The following SIPA1L1 variants were observed in gnomAD, a reference collection of about 807,000 sequenced individuals.
The protein encoded by SIPA1L1 is signal induced proliferation associated 1 like 1.
In SIPA1L1, 26 loss-of-function variants were observed where a neutral mutation model predicts 162.7. The ratio of observed to expected loss-of-function variants is 0.16; its 90% confidence interval spans 0.12 to 0.22. The LOEUF (loss-of-function observed/expected upper bound fraction) is 0.22. Ranked by LOEUF, SIPA1L1 falls within the 10% of genes least tolerant of loss-of-function variation. SIPA1L1 has a pLI of 1.00. For missense variants in SIPA1L1, 1,874 were observed against 2,241.0 expected (o/e 0.84, Z 3.31); for synonymous variants, 829 against 837.4 (o/e 0.99, Z 0.17).
chr14:71,473,617 C>T (rs2047634793), intron 2 of SIPA1L1, among the ~76,000 whole-genome samples: 1 of 152,170 alleles, frequency 6.6e-6, no homozygotes, highest in Non-Finnish European at 1.5e-5. Flanking sequence ...TGGAACTACT[C>T]ATGGATAGAA....
chr14:71,547,103 C>G (rs1396672453), intron 4 of SIPA1L1, among the ~76,000 whole-genome samples: 39 of 151,636 alleles, frequency 2.6e-4, no homozygotes, highest in Non-Finnish European at 4.4e-5. Flanking sequence ...CCTAATAGCT[C>G]TTTAGCTCTT....
chr14:71,554,923 G>C (rs541407220), intron 4 of SIPA1L1, among the ~76,000 whole-genome samples: 32 of 151,754 alleles, frequency 2.1e-4, no homozygotes, highest in Non-Finnish European at 4.3e-4. Flanking sequence ...CATTTTAAAG[G>C]CTCTCGATAC....
chr14:71,705,381 C>T (rs1244893836), intron 16 of SIPA1L1, 41 bp downstream of exon 16: 1 of 1,355,448 alleles, frequency 7.4e-7, no homozygotes, highest in Non-Finnish European at 1.1e-6. Context: ...AGATTCCTAG[C>T]AGTGTACCTT....
intron 2 of SIPA1L1, among the ~76,000 whole-genome samples, chr14:71,331,700 T>C (rs1235843388): frequency 6.6e-6 from 1 of 152,214 alleles, no homozygotes; most frequent in Non-Finnish European, 1.5e-5. Flanking sequence ...CTTGTGGTAA[T>C]TTTTTCCTTG....
At chr14:71,453,759 C>G (rs767844902) in intron 2 of SIPA1L1, among the ~76,000 whole-genome samples, 1 of 151,826 alleles carries the variant, frequency 6.6e-6, no homozygotes, top group South Asian at 2.1e-4. Context: ...TTTGGGAGGC[C>G]GAGGCAAGTG....
chr14:71,326,277 C>T (rs937117161), intron 2 of SIPA1L1, among the ~76,000 whole-genome samples: 8 of 151,090 alleles, frequency 5.3e-5, no homozygotes, highest in Non-Finnish European at 1.2e-4. Flanking sequence ...GGCATGACCT[C>T]GGCTCACTAC....
intron 2 of SIPA1L1, among the ~76,000 whole-genome samples, chr14:71,327,660 G>A (rs1437767989): frequency 2.0e-5 from 3 of 152,112 alleles, no homozygotes; most frequent in African/African-American, 7.2e-5. Flanking sequence ...CAAGAATCAT[G>A]GGGCTGTGGC....
chr14:71,670,194 C>G (rs919690431), intron 10 of SIPA1L1, among the ~76,000 whole-genome samples: 1 of 152,168 alleles, frequency 6.6e-6, no homozygotes, highest in Non-Finnish European at 1.5e-5. Flanking sequence ...AACACTCAAC[C>G]TCTCTATTTC....
chr14:71,727,620 C>T (rs1184217459), intron 19 of SIPA1L1, among the ~76,000 whole-genome samples: 3 of 152,166 alleles, frequency 2.0e-5, no homozygotes, highest in Non-Finnish European at 4.4e-5. Context: ...CAGCCCCCTT[C>T]TCGAATGTCC....
At chr14:71,633,091 T>A (rs1001646553) in intron 7 of SIPA1L1, among the ~76,000 whole-genome samples, 1 of 150,328 alleles carries the variant, frequency 6.7e-6, no homozygotes, top group Admixed American at 6.7e-5. Context: ...AATGTTTCAA[T>A]GAGCAATTAC....
At chr14:71,605,770 T>C (rs2037417795) in intron 5 of SIPA1L1, among the ~76,000 whole-genome samples, 3 of 152,180 alleles carry the variant, frequency 2.0e-5, no homozygotes, top group Admixed American at 2.0e-4. Context: ...AGTGTTGGAC[T>C]GAGTCTGTGT....
chr14:71,572,734 C>T (rs2147049071), intron 4 of SIPA1L1, among the ~76,000 whole-genome samples: 1 of 152,116 alleles, frequency 6.6e-6, no homozygotes, highest in Middle Eastern at 3.4e-3. Context: ...TTTTTTGCTT[C>T]TTATGTTGTA....
chr14:71,507,235 CAT>C (rs1176178822), intron 2 of SIPA1L1, among the ~76,000 whole-genome samples: 1 of 152,138 alleles, frequency 6.6e-6, no homozygotes, highest in Non-Finnish European at 1.5e-5. Context: ...AACGTACTCT[CAT>C]AGAGTGCAGC....
intron 4 of SIPA1L1, among the ~76,000 whole-genome samples, chr14:71,580,131 C>T (rs556070455): frequency 3.0e-4 from 45 of 152,300 alleles, no homozygotes; most frequent in Admixed American, 2.0e-4. Context: ...CTGACTTCAT[C>T]GCTTTCTCTT....
intron 20 of SIPA1L1, among the ~76,000 whole-genome samples, chr14:71,732,165 T>C (rs2084851045): frequency 1.3e-5 from 2 of 152,250 alleles, no homozygotes; most frequent in Non-Finnish European, 2.9e-5. Flanking sequence ...AACCAGCAGC[T>C]GTACTTCAGA....
intron 4 of SIPA1L1, among the ~76,000 whole-genome samples, chr14:71,553,140 T>G (rs531784637): frequency 6.6e-6 from 1 of 152,378 alleles, no homozygotes; most frequent in African/African-American, 2.4e-5. Flanking sequence ...TACTGAGAGA[T>G]AATAATTTTT....
rs1224074668 is a variant in SIPA1L1 at position 71,359,715 on chromosome 14, A to G, written c.-465+38534A>G. Among the ~76,000 whole-genome samples the G allele has an allele frequency of 2.6e-5, 4 of 152,310 alleles. No individual in the cohort carries two copies. The East Asian group carries it at 7.7e-4, about 29-fold the overall frequency. Reference sequence around the variant, plus strand: ...AAATCATCAGTTGGTATATAAAGAAAGTAAGTGCATGAGTTGTGTTGTATA... The same window carrying G: ...AAATCATCAGTTGGTATATAAAGAAGGTAAGTGCATGAGTTGTGTTGTATA... On this transcript the variant is annotated intron_variant, in intron 2 of 23. Coordinates refer to ENST00000381232, the MANE Select transcript of SIPA1L1 (RefSeq NM_001386936.1).
At chr14:71,651,791 G>A (rs544282605) in intron 8 of SIPA1L1, among the ~76,000 whole-genome samples, 1 of 152,324 alleles carries the variant, frequency 6.6e-6, no homozygotes, top group South Asian at 2.1e-4. Flanking sequence ...TGTGAGAAAT[G>A]TATAGCTAGG....
intron 2 of SIPA1L1, among the ~76,000 whole-genome samples, chr14:71,475,881 G>A (rs2047807620): frequency 6.6e-6 from 1 of 152,248 alleles, no homozygotes; most frequent in Non-Finnish European, 1.5e-5. Context: ...GACAGAAAGA[G>A]TGCAGTGTTA....
Sources: allele counts gnomAD v4.1 joint callset (sites outside exome capture counted in the v4.1 genomes callset), GRCh38; gene constraint gnomAD v4.1.1; transcripts MANE v1.5; gene names NCBI Gene and HGNC (gene_info 2026-07-23, HGNC 2026-07-21).